PLEKHH2: variants seen among roughly 807,000 people sequenced by gnomAD.
The protein encoded by PLEKHH2 is pleckstrin homology, MyTH4 and FERM domain containing H2, also known as pleckstrin homology domain-containing family H member 2.
Under a neutral mutation model 187.9 loss-of-function variants are expected in PLEKHH2, and 129 were observed. The observed-to-expected ratio is 0.69, with a 90% CI of 0.59 to 0.79. The LOEUF is 0.79. Ranked by LOEUF, PLEKHH2 falls within the 30% of genes least tolerant of loss-of-function variation. PLEKHH2 has a pLI of 0.00. For synonymous variants in PLEKHH2, 686 were observed against 605.6 expected (o/e 1.13, Z -1.95); for missense variants, 2,076 against 1,751.2 (o/e 1.19, Z -3.31).
intron 23 of PLEKHH2, 151 bp downstream of exon 23, chr2:43,744,140 G>A: frequency 7.2e-7 from 1 of 1,396,822 alleles, no homozygotes; most frequent in Non-Finnish European, 9.3e-7. Flanking sequence ...AAAAATGCAG[G>A]ACTTTGTTAA....
In PLEKHH2 at chr2:43,697,080, T is replaced by G. The variant is rs950469531; in HGVS notation, c.503-91T>G. On this transcript the variant is annotated intron_variant, in intron 6 of 29. Transcript: ENST00000282406. ...TAGGCTTTTTTTCTGGCATAAAGAG[T>G]GATTTGTTCAAGTTTTTATATGCCT... 26 of 1,051,620 alleles carry G rather than the reference T, an allele frequency of 2.5e-5. No homozygotes were observed. The South Asian group carries it at 3.2e-4, about 13-fold the overall frequency. 65.1% of individuals were successfully genotyped at this position (1,051,620 alleles called of 1,614,324 possible). A position where few individuals can be genotyped will look rare whatever the true frequency, so the allele number is the denominator to read the frequency against.
chr2:43,707,793 T>C (rs1400839687), intron 11 of PLEKHH2, among the ~76,000 whole-genome samples: 1 of 152,128 alleles, frequency 6.6e-6, no homozygotes, highest in Admixed American at 6.5e-5. Flanking sequence ...GATCACTTTA[T>C]TGTTGGAATG....
At chr2:43,666,328 C>T (rs999922796) in intron 2 of PLEKHH2, among the ~76,000 whole-genome samples, 3 of 151,376 alleles carry the variant, frequency 2.0e-5, no homozygotes, top group Non-Finnish European at 2.9e-5. Context: ...CGCCCTGCTT[C>T]GGCTCGCGCA....
chr2:43,729,627 T>C lies in PLEKHH2; in HGVS notation c.2722-10T>C, dbSNP rs370348662. The C allele has an allele frequency of 1.9e-6, 3 of 1,551,376 alleles. No individual in the cohort carries two copies. Among genetic ancestry groups the C allele is most frequent in the Non-Finnish European group, 2.6e-6 (3 of 1,146,704 alleles). On this transcript the variant is annotated splice_polypyrimidine_tract_variant and intron_variant, in intron 17 of 29. Coordinates refer to ENST00000282406, the MANE Select transcript of PLEKHH2 (RefSeq NM_172069.4). ...GTCTTAACATTTAATTAATATGTTC[T>C]GGTTTTAAGGACACTTGGCTTTATC...
chr2:43,679,214 A>G (rs745742744), intron 3 of PLEKHH2, among the ~76,000 whole-genome samples: 2 of 152,180 alleles, frequency 1.3e-5, no homozygotes, highest in African/African-American at 4.8e-5. Flanking sequence ...GTATATAAAT[A>G]TGTTCATAGT....
rs76423339 is a variant in PLEKHH2, at chr2:43,734,978, A to G, written c.2944-3363A>G. Among the ~76,000 whole-genome samples, 40 of 152,228 alleles carry G rather than the reference A, an allele frequency of 2.6e-4. 1 individual carries two copies. The East Asian group carries it at 7.7e-3, about 29-fold the overall frequency. On this transcript the variant is annotated intron_variant, in intron 19 of 29. Coordinates refer to ENST00000282406, the MANE Select transcript of PLEKHH2 (RefSeq NM_172069.4). ...GGAGTTTGAGACCAGCCTGGCTAAC[A>G]TGGGGAGGCTGGTCTCTACTAAAAA...
In PLEKHH2 at chr2:43,754,204, AC is replaced by A. The variant is rs796225705; in HGVS notation, c.3795+445del. 7.6e-3 allele frequency among the ~76,000 whole-genome samples: 1,077 copies of A among 142,104 alleles called. 20 individuals are homozygous for A. The highest frequency in any genetic ancestry group is 0.03 in the African/African-American group (1,024 of 34,068). 93.2% of individuals were successfully genotyped at this position (142,104 alleles called of 152,430 possible). ...CACACACACACACACACACACACAC[AC>A]AAAATTAATACTGACTTAATCAGAA... On this transcript the variant is annotated intron_variant, in intron 25 of 29. Transcript: ENST00000282406.
intron 3 of PLEKHH2, among the ~76,000 whole-genome samples, chr2:43,688,272 A>C (rs890702881): frequency 6.6e-6 from 1 of 152,242 alleles, no homozygotes; most frequent in African/African-American, 2.4e-5. Flanking sequence ...TTGTTATTGT[A>C]TGAATCTAAA....
At chr2:43,755,714 G>A (rs889287406) in intron 25 of PLEKHH2, among the ~76,000 whole-genome samples, 2 of 152,126 alleles carry the variant, frequency 1.3e-5, no homozygotes, top group Non-Finnish European at 2.9e-5. Context: ...GTCATGTCTG[G>A]TGGCTGATTG....
At chr2:43,726,573 T>A (rs1482359793) in intron 17 of PLEKHH2, 122 bp downstream of exon 17, 1 of 851,854 alleles carries the variant, frequency 1.2e-6, no homozygotes, top group African/African-American at 1.8e-5. Flanking sequence ...GACTTTCACC[T>A]CTGTTTTCAG....
chr2:43,732,692 CTT>C (rs1380512638), intron 19 of PLEKHH2, among the ~76,000 whole-genome samples: 2 of 152,158 alleles, frequency 1.3e-5, no homozygotes, highest in African/African-American at 4.8e-5. Context: ...GAACCATTAG[CTT>C]TTTTTAAGAT....
At chr2:43,733,088 C>T (rs1458386872) in intron 19 of PLEKHH2, among the ~76,000 whole-genome samples, 4 of 152,170 alleles carry the variant, frequency 2.6e-5, no homozygotes, top group South Asian at 2.1e-4. Flanking sequence ...TGCAGCCGGG[C>T]GCAGTGGCTC....
At chr2:43,710,462 T>C (rs1467028438) in intron 13 of PLEKHH2, 27 bp from the exon 14 acceptor site, 1 of 1,589,374 alleles carries the variant, frequency 6.3e-7, no homozygotes, top group Admixed American at 1.9e-5. Context: ...GTTAATCACT[T>C]TCCATTTGTT....
chr2:43,673,032 T>C (rs1667564619), intron 2 of PLEKHH2, among the ~76,000 whole-genome samples: 1 of 152,214 alleles, frequency 6.6e-6, no homozygotes, highest in African/African-American at 2.4e-5. Flanking sequence ...TATTTTTAAA[T>C]ATGTCATTTA....
intron 11 of PLEKHH2, among the ~76,000 whole-genome samples, chr2:43,708,502 G>T (rs1363039162): frequency 2.0e-5 from 3 of 152,172 alleles, no homozygotes; most frequent in African/African-American, 4.8e-5. Flanking sequence ...TCTCAATGAG[G>T]TCCACCCTGA....
chr2:43,687,188 C>A (rs1053864510), intron 3 of PLEKHH2, among the ~76,000 whole-genome samples: 25 of 152,124 alleles, frequency 1.6e-4, no homozygotes, highest in African/African-American at 5.8e-4. Context: ...TTGTCCCTAT[C>A]TTTATGCCCT....
chr2:43,659,936 G>C (rs1439958723), intron 2 of PLEKHH2, among the ~76,000 whole-genome samples: 1 of 152,122 alleles, frequency 6.6e-6, no homozygotes, highest in Non-Finnish European at 1.5e-5. Flanking sequence ...TGGGTGTTTA[G>C]TTCAAAGAGT....
chr2:43,681,548 A>G, intron 3 of PLEKHH2: 1 of 1,393,824 alleles, frequency 7.2e-7, no homozygotes, highest in Non-Finnish European at 9.9e-7. Flanking sequence ...ATGCAGAAAG[A>G]CTCACTTCTG....
At chr2:43,679,612 C>T (rs1176262025) in intron 3 of PLEKHH2, 2 of 272,626 alleles carry the variant, frequency 7.3e-6, no homozygotes, top group Middle Eastern at 1.4e-3. Context: ...TCTCCTGCCT[C>T]AATCTCCTGA....
Sources: gnomAD v4.1 joint callset for allele counts (sites outside exome capture counted in the v4.1 genomes callset) on GRCh38, gnomAD v4.1.1 for gene constraint, MANE v1.5 for transcripts, NCBI Gene and HGNC (gene_info 2026-07-23, HGNC 2026-07-21) for gene names.